AMOTL1: variants seen among roughly 807,000 people sequenced by gnomAD.
AMOTL1 encodes the protein angiomotin like 1, also known as angiomotin-like protein 1.
In AMOTL1, 45 loss-of-function variants were observed where a neutral mutation model predicts 102.9. The ratio of observed to expected loss-of-function variants is 0.44; its 90% CI spans 0.34 to 0.56. The LOEUF (loss-of-function observed/expected upper bound fraction) is 0.56, where lower values mean the gene tolerates loss of function less well. Ranked by LOEUF, AMOTL1 falls within the 20% of genes least tolerant of loss-of-function variation. AMOTL1 has a pLI of 0.01. For synonymous variants in AMOTL1, 481 were observed against 484.7 expected (o/e 0.99, Z 0.10); for missense variants, 1,114 against 1,225.6 (o/e 0.91, Z 1.36).
At chr11:94,864,524 A>G (rs996896720) in intron 9 of AMOTL1, among the ~76,000 whole-genome samples, 4 of 152,192 alleles carry the variant, frequency 2.6e-5, no homozygotes, top group Non-Finnish European at 5.9e-5. Context: ...TCACCTCTCC[A>G]CAAGCATTTA....
intron 1 of AMOTL1, among the ~76,000 whole-genome samples, chr11:94,708,068 G>T (rs1949958887): frequency 6.6e-6 from 1 of 152,024 alleles, no homozygotes; most frequent in Non-Finnish European, 1.5e-5. Flanking sequence ...CTCTCCAAAT[G>T]GTTTACATCT....
chr11:94,860,860 C>T (rs1592045060), intron 9 of AMOTL1, among the ~76,000 whole-genome samples: 1 of 152,064 alleles, frequency 6.6e-6, no homozygotes, highest in Non-Finnish European at 1.5e-5. Flanking sequence ...TTAATGACTA[C>T]GAGAAGGCCT....
chr11:94,801,883 T>C (rs1386510719), intron 3 of AMOTL1, among the ~76,000 whole-genome samples: 4 of 152,154 alleles, frequency 2.6e-5, no homozygotes, highest in African/African-American at 9.7e-5. Flanking sequence ...TATTATTGGA[T>C]GTGTCATTTT....
At chr11:94,853,319 G>A (rs1160440999) in intron 7 of AMOTL1, among the ~76,000 whole-genome samples, 1 of 148,616 alleles carries the variant, frequency 6.7e-6, no homozygotes, top group Non-Finnish European at 1.5e-5. Context: ...CCCCCAACTT[G>A]CCCTGGTATG....
At chr11:94,869,591 A>G in intron 12 of AMOTL1, 118 bp downstream of exon 12, 1 of 1,202,350 alleles carries the variant, frequency 8.3e-7, no homozygotes, top group Middle Eastern at 2.8e-4. Context: ...CTCTATGGGG[A>G]TGCTATTCTA....
chr11:94,835,343 A>T (rs797006612), intron 6 of AMOTL1, among the ~76,000 whole-genome samples: 38 of 152,324 alleles, frequency 2.5e-4, no homozygotes, highest in African/African-American at 8.7e-4. Context: ...TTTGTCACAT[A>T]CACACATGCA....
At chr11:94,709,680 C>A (rs1949990029) in intron 1 of AMOTL1, among the ~76,000 whole-genome samples, 1 of 152,180 alleles carries the variant, frequency 6.6e-6, no homozygotes, top group Non-Finnish European at 1.5e-5. Flanking sequence ...CCAGCCCCCA[C>A]CACTATCTGA....
chr11:94,785,567 A>G (rs188543612), intron 1 of AMOTL1, among the ~76,000 whole-genome samples: 1 of 152,338 alleles, frequency 6.6e-6, no homozygotes, highest in East Asian at 1.9e-4. Flanking sequence ...TATGTAATTC[A>G]TTCATGAACG....
At chr11:94,832,823 A>G (rs1287726537) in intron 6 of AMOTL1, among the ~76,000 whole-genome samples, 2 of 152,224 alleles carry the variant, frequency 1.3e-5, no homozygotes, top group Admixed American at 1.3e-4. Flanking sequence ...GTATGTTAGC[A>G]ATGCCAGTGT....
chr11:94,843,040 C>G (rs1057252067), intron 6 of AMOTL1, among the ~76,000 whole-genome samples: 3 of 152,324 alleles, frequency 2.0e-5, no homozygotes, highest in South Asian at 2.1e-4. Flanking sequence ...CTGGCAGAAC[C>G]CTGGTAATCT....
chr11:94,870,285 G>A (rs981747285), intron 12 of AMOTL1, among the ~76,000 whole-genome samples: 2 of 152,166 alleles, frequency 1.3e-5, no homozygotes, highest in African/African-American at 4.8e-5. Context: ...TTCCTCCAAG[G>A]GGGTTGTTTA....
rs73518599 is a variant in AMOTL1, at chr11:94,864,723, T to C, written c.2136-12T>C. On this transcript the variant is annotated splice_polypyrimidine_tract_variant and intron_variant, in intron 9 of 12. Transcript: ENST00000433060. ...GTTTCCTATGATCAAACGCATATCCTTGTGTTGCCAGGGACACCACGATCA... is the reference window on the plus strand; with the variant it reads ...GTTTCCTATGATCAAACGCATATCCCTGTGTTGCCAGGGACACCACGATCA... The C allele has an allele frequency of 6.8e-4, 1,094 of 1,612,156 alleles. 10 individuals are homozygous for C. The African/African-American group carries it at 0.012, about 18-fold the overall frequency.
chr11:94,760,406 C>T (rs1191736572), intron 3 of AMOTL1, among the ~76,000 whole-genome samples: 1 of 152,190 alleles, frequency 6.6e-6, no homozygotes, highest in Admixed American at 6.5e-5. Flanking sequence ...AAAGAGCTTT[C>T]CTGGGCCATC....
chr11:94,707,109 G>A (rs1054754752), intron 1 of AMOTL1, among the ~76,000 whole-genome samples: 1 of 152,094 alleles, frequency 6.6e-6, no homozygotes, highest in Non-Finnish European at 1.5e-5. Context: ...CTGACATGCA[G>A]GTACCTTGTT....
At chr11:94,870,192 G>A (rs1043937049) in intron 12 of AMOTL1, among the ~76,000 whole-genome samples, 3 of 152,206 alleles carry the variant, frequency 2.0e-5, no homozygotes, top group African/African-American at 7.2e-5. Flanking sequence ...CCTAAAACCT[G>A]AGACTAATCA....
intron 4 of AMOTL1, among the ~76,000 whole-genome samples, chr11:94,823,155 G>A (rs2135635547): frequency 6.6e-6 from 1 of 152,308 alleles, no homozygotes; most frequent in South Asian, 2.1e-4. Context: ...GGCTCTACTT[G>A]CTTCCTGAGG....
intron 3 of AMOTL1, among the ~76,000 whole-genome samples, chr11:94,801,635 A>T (rs1256866382): frequency 6.6e-6 from 1 of 152,064 alleles, no homozygotes; most frequent in East Asian, 1.9e-4. Context: ...TTGGGCAGGG[A>T]GAATAGAGGA....
At chr11:94,748,668 C>T (rs1445460875) in intron 3 of AMOTL1, among the ~76,000 whole-genome samples, 2 of 152,202 alleles carry the variant, frequency 1.3e-5, no homozygotes, top group African/African-American at 4.8e-5. Context: ...ATCTTCTTTT[C>T]CTAAACTTTA....
chr11:94,827,273 A>G (rs570295789), intron 4 of AMOTL1, among the ~76,000 whole-genome samples: 2 of 152,292 alleles, frequency 1.3e-5, no homozygotes, highest in African/African-American at 4.8e-5. Context: ...CTGTGGGTGT[A>G]GCTAAGGAAG....
Sources: allele counts gnomAD v4.1 joint callset (sites outside exome capture counted in the v4.1 genomes callset), GRCh38; gene constraint gnomAD v4.1.1; transcripts MANE v1.5; gene names NCBI Gene and HGNC (gene_info 2026-07-23, HGNC 2026-07-21).